Variants in MAST2 observed in about 807,000 individuals in gnomAD.
MAST2 encodes microtubule associated serine/threonine kinase 2.
Under a neutral mutation model 147.4 loss-of-function variants are expected in MAST2, and 70 were observed. That is an observed-to-expected ratio of 0.47 (90% confidence interval 0.39 to 0.58). The LOEUF is 0.58. Ranked by LOEUF, MAST2 falls within the 20% of genes least tolerant of loss-of-function variation. The probability of loss-of-function intolerance (pLI) is 0.00; values close to 1 mark genes in which losing one functional copy is unlikely to be tolerated. For synonymous variants in MAST2, 869 were observed against 896.8 expected (o/e 0.97, Z 0.55); for missense variants, 2,080 against 2,302.3 (o/e 0.90, Z 1.98).
intron 4 of MAST2, among the ~76,000 whole-genome samples, chr1:45,956,141 A>C (rs1327015107): frequency 1.3e-5 from 2 of 152,208 alleles, no homozygotes; most frequent in African/African-American, 4.8e-5. Context: ...GAGTCCCACC[A>C]GTGAAATTTC....
chr1:45,991,371 T>C (rs2149117899), intron 5 of MAST2, among the ~76,000 whole-genome samples: 1 of 152,340 alleles, frequency 6.6e-6, no homozygotes, highest in South Asian at 2.1e-4. Flanking sequence ...TTTAGGTTAT[T>C]TTGCCTTTCC....
intron 4 of MAST2, among the ~76,000 whole-genome samples, chr1:45,953,140 A>T (rs1659172922): frequency 6.6e-6 from 1 of 152,194 alleles, no homozygotes; most frequent in South Asian, 2.1e-4. Context: ...TGAGACAAGA[A>T]CACCTATTAA....
rs59768249 is a variant in MAST2 at position 46,004,502 on chromosome 1, C to T, written c.747+1619C>T. Among the ~76,000 whole-genome samples the T allele has an allele frequency of 6.7e-3, 1,013 of 152,108 alleles. 12 individuals are homozygous for T. Among genetic ancestry groups the T allele is most frequent in the African/African-American group, 0.024 (977 of 41,488 alleles). On this transcript the variant is annotated intron_variant, in intron 7 of 28. Coordinates refer to ENST00000361297, the MANE Select transcript of MAST2 (RefSeq NM_015112.3). ...AGCTTATTAGGATTCTTTAAAATAC[C>T]AGTTTTGCCCACTGTAGTTTACATT...
At chr1:45,907,095 T>C (rs1650888764) in intron 4 of MAST2, among the ~76,000 whole-genome samples, 1 of 152,206 alleles carries the variant, frequency 6.6e-6, no homozygotes, top group Non-Finnish European at 1.5e-5. Flanking sequence ...TACTCCATGA[T>C]GTTCACATAA....
intron 3 of MAST2, among the ~76,000 whole-genome samples, chr1:45,878,258 A>T (rs995594918): frequency 1.3e-5 from 2 of 151,910 alleles, no homozygotes; most frequent in African/African-American, 4.8e-5. Context: ...AATTAGTTTA[A>T]TCTTAGAAAA....
rs192987908 is a variant in MAST2 at position 46,034,486 on chromosome 1, C to T, written c.3869-52C>T. On this transcript the variant is annotated intron_variant, in intron 28 of 28. Coordinates refer to ENST00000361297, the MANE Select transcript of MAST2 (RefSeq NM_015112.3). ...TGTCTTGCCCTTGAGTCACTTCTAA[C>T]AGCTAACACTGCTCTGCTTTTGTCT... 290 of 1,558,898 alleles carry T rather than the reference C, an allele frequency of 1.9e-4. 5 individuals are homozygous for T. In the African/African-American group the frequency reaches 3.1e-3, roughly 17 times the overall value.
At chr1:45,879,346 G>A (rs1646741085) in intron 3 of MAST2, among the ~76,000 whole-genome samples, 1 of 152,180 alleles carries the variant, frequency 6.6e-6, no homozygotes, top group African/African-American at 2.4e-5. Flanking sequence ...GTTGAGGCAG[G>A]TGGATCACCT....
intron 5 of MAST2, among the ~76,000 whole-genome samples, chr1:45,972,947 TA>T (rs1448303310): frequency 1.3e-5 from 2 of 152,230 alleles, no homozygotes; most frequent in Non-Finnish European, 2.9e-5. Context: ...GCATTGGGTC[TA>T]GTAGTAAGGG....
Position 46,034,083 on chromosome 1 carries a change from A to T in MAST2, c.3685A>T (p.Ser1229Cys). The change falls in exon 28 of 29, where the codon AGC becomes TGC. Residue 1229 changes from serine to cysteine, a missense_variant. Physicochemically the swap from Ser to Cys is moderately radical, Grantham distance 112. Coordinates refer to ENST00000361297, the MANE Select transcript of MAST2 (RefSeq NM_015112.3). ...CCCTTATCCCCGCAGCAGAAAAAGG[A>T]GCTCCCTGTTCCGCAAGATCACCAA... is the stretch of plus-strand genomic sequence containing the variant. ...GKDGQESRKR[S>C]SLFRKITKQA... The T allele has an allele frequency of 6.2e-7, 1 of 1,613,266 alleles. No homozygotes were observed. The highest frequency in any genetic ancestry group is 1.1e-5 in the South Asian group (1 of 90,978).
intron 11 of MAST2, among the ~76,000 whole-genome samples, chr1:46,020,342 G>A (rs1430259773): frequency 6.6e-6 from 1 of 152,096 alleles, no homozygotes; most frequent in Non-Finnish European, 1.5e-5. Context: ...ATGGGAAGGA[G>A]CATTCAGTGG....
chr1:45,806,868 C>T (rs534140828), intron 1 of MAST2, among the ~76,000 whole-genome samples: 1 of 152,130 alleles, frequency 6.6e-6, no homozygotes, highest in Non-Finnish European at 1.5e-5. Context: ...TGAACTACCA[C>T]GGCCTAATTT....
intron 3 of MAST2, chr1:45,846,972 T>G: frequency 4.1e-6 from 1 of 246,176 alleles, no homozygotes; most frequent in Admixed American, 5.6e-5. Flanking sequence ...ATTATTTATT[T>G]TGAATTCAAG....
intron 2 of MAST2, among the ~76,000 whole-genome samples, chr1:45,826,495 G>A (rs1266094988): frequency 6.6e-6 from 1 of 152,124 alleles, no homozygotes; most frequent in Non-Finnish European, 1.5e-5. Flanking sequence ...TAGGACTACA[G>A]GTGTGCACCA....
chr1:45,943,154 A>G (rs1263104216), intron 4 of MAST2, among the ~76,000 whole-genome samples: 1 of 152,230 alleles, frequency 6.6e-6, no homozygotes, highest in East Asian at 1.9e-4. Context: ...ACATAATGGT[A>G]TGGCCTTGTT....
chr1:45,983,131 C>T (rs1029115694), intron 5 of MAST2, among the ~76,000 whole-genome samples: 1 of 152,164 alleles, frequency 6.6e-6, no homozygotes, highest in Non-Finnish European at 1.5e-5. Flanking sequence ...CATTTCTTTT[C>T]TCCAACGTTG....
intron 5 of MAST2, among the ~76,000 whole-genome samples, chr1:45,966,861 C>CT (rs58072402): frequency 0.43 from 48,046 of 110,668 alleles, 10,398 homozygotes; most frequent in East Asian, 0.58. Context: ...GGATCTGGGT[C>CT]TTTTTTTTTT....
Position 46,034,164 on chromosome 1 carries a change from T to A in MAST2, c.3766T>A (p.Ser1256Thr). The change falls in exon 28 of 29, where the codon TCA becomes ACA. Residue 1256 changes from serine (S) to threonine (T), a missense_variant. Ser to Thr is a moderately conservative substitution (Grantham distance 58). This residue lies in a region of MAST2 where 1,278 missense variants were observed against 1,304.2 expected (regional missense o/e 0.98). Transcript: ENST00000361297. ...CCTTTCTTCCCTTAACCGCTCCTTG[T>A]CATCAGGGGAGAGTGGGCCAGGCTC... The part of the protein sequence containing the change: ...RSLSSLNRSL[S>T]SGESGPGSPT... The A allele has an allele frequency of 6.2e-7, 1 of 1,614,160 alleles. No individual in the cohort carries two copies. The highest frequency in any genetic ancestry group is 8.5e-7 in the Non-Finnish European group (1 of 1,180,010).
At chr1:46,017,781 C>G (rs1646019468) in intron 10 of MAST2, among the ~76,000 whole-genome samples, 1 of 152,134 alleles carries the variant, frequency 6.6e-6, no homozygotes, top group African/African-American at 2.4e-5. Flanking sequence ...GGATCTAGAA[C>G]TAGAAATACC....
rs1351682726 is a variant in MAST2, at chr1:46,031,377, A to C, written c.2993-14A>C. 5 of 1,602,772 alleles carry C rather than the reference A, an allele frequency of 3.1e-6. No individual in the cohort carries two copies. In the East Asian group the frequency reaches 9.0e-5, roughly 29 times the overall value. On this transcript the variant is annotated splice_polypyrimidine_tract_variant and intron_variant, in intron 23 of 28. Transcript: ENST00000361297. This position sits in a 1 kb window ranked among gnomAD's most constrained non-coding sequence, Gnocchi z 4.1. ...AGCGGCATCGCGGGTCTCACTGCTT[A>C]CTTGGGCCTACAGCTATGGAGACCC...
Sources: gnomAD v4.1 joint callset for allele counts (sites outside exome capture counted in the v4.1 genomes callset) on GRCh38, gnomAD v4.1.1 for gene constraint, gnomAD v4.1.1 regional missense constraint, Gnocchi (gnomAD v3.1) non-coding constraint, MANE v1.5 for transcripts, NCBI Gene and HGNC (gene_info 2026-07-23, HGNC 2026-07-21) for gene names.